The following CIT variants were observed in gnomAD, a reference collection of about 807,000 sequenced individuals.
The protein encoded by CIT is citron Rho-interacting kinase.
A neutral mutation model predicts 272.7 loss-of-function variants in CIT; 79 were observed. The observed-to-expected ratio is 0.29, with a 90% CI of 0.24 to 0.35. CIT has a LOEUF of 0.35. CIT is among the 10% of genes least tolerant of loss of function. The pLI is 1.00. For missense variants in CIT, 1,909 were observed against 2,618.3 expected (o/e 0.73, Z 5.91); for synonymous variants, 948 against 995.6 (o/e 0.95, Z 0.90).
At position 119,717,838 on chromosome 12, in the gene CIT, C is replaced by CTT. The variant is rs10699099; in HGVS notation, c.4168+405_4168+406dup. ...GGGGAGCCAGGAGACTGACTTCTTT[C>CTT]TTTTTTTTTTTTTTTTTTTTGAGAT... On this transcript the variant is annotated intron_variant, in intron 32 of 47. Transcript: ENST00000392521. 1.3e-3 allele frequency among the ~76,000 whole-genome samples: 109 copies of CTT among 81,342 alleles called. 16 individuals are homozygous for CTT. The highest frequency in any genetic ancestry group is 3.6e-3 in the South Asian group (7 of 1,968). The allele number at this position is 81,342 out of a possible 152,430, so 53.4% of individuals were successfully genotyped here. A position where few individuals can be genotyped will look rare whatever the true frequency, so the allele number is the denominator to read the frequency against.
chr12:119,789,549 T>G (rs1965120279), intron 10 of CIT, among the ~76,000 whole-genome samples: 1 of 152,222 alleles, frequency 6.6e-6, no homozygotes, highest in African/African-American at 2.4e-5. Flanking sequence ...AATGTTTATA[T>G]TCTATTCATT....
chr12:119,816,348 T>G (rs1477567513), intron 9 of CIT, among the ~76,000 whole-genome samples: 6 of 152,138 alleles, frequency 3.9e-5, no homozygotes, highest in African/African-American at 1.4e-4. Context: ...AAGCTTTAAA[T>G]TCCTCAAAGC....
intron 9 of CIT, among the ~76,000 whole-genome samples, chr12:119,813,903 G>A (rs1334830202): frequency 6.6e-6 from 1 of 152,128 alleles, no homozygotes; most frequent in East Asian, 1.9e-4. Context: ...GGTCTCCTCT[G>A]AGCAGAGCAT....
chr12:119,733,519 G>C (rs527511361), intron 26 of CIT, among the ~76,000 whole-genome samples: 72 of 139,498 alleles, frequency 5.2e-4, no homozygotes, highest in Middle Eastern at 7.2e-3. Context: ...GGGTGACAGA[G>C]ACTCTGTCAC....
At chr12:119,829,348 A>AGAGAAGAGAAGAGAAGAGAG (rs1474697741) in intron 7 of CIT, among the ~76,000 whole-genome samples, 10 of 44,584 alleles carry the variant, frequency 2.2e-4, no homozygotes, top group Non-Finnish European at 6.0e-4. Context: ...AAAGAAAAGA[A>AGAGAAGAGAAGAGAAGAGAG]GAGAAGAGAA....
Position 119,865,173 on chromosome 12 carries a change from G to GGTCTA in CIT, c.238+3882_238+3886dup, listed in dbSNP as rs1290374285. Among the ~76,000 whole-genome samples, 3 of 151,978 alleles carry GGTCTA rather than the reference G, an allele frequency of 2.0e-5. No individual in the cohort carries two copies. In the East Asian group the frequency reaches 5.8e-4, roughly 29 times the overall value. Reference sequence around the variant, plus strand: ...ATATGAAACATTTCCCTGGAAGAGGGGTCTATTAGAAAAAAATCTACATTC... The same window carrying GGTCTA: ...ATATGAAACATTTCCCTGGAAGAGGGGTCTAGTCTATTAGAAAAAAATCTACATTC... On this transcript the variant is annotated intron_variant, in intron 3 of 47. Transcript: ENST00000392521.
intron 5 of CIT, among the ~76,000 whole-genome samples, chr12:119,836,665 A>G (rs1250436148): frequency 1.3e-5 from 2 of 152,240 alleles, no homozygotes; most frequent in African/African-American, 4.8e-5. Flanking sequence ...ACGACACGCC[A>G]CAGTTATAAA....
chr12:119,713,611 G>A lies in CIT; in HGVS notation c.4344C>T (p.Cys1448=), dbSNP rs2137074724. 6.2e-7 allele frequency: 1 copy of A among 1,614,254 alleles called. No homozygotes were observed. The highest frequency in any genetic ancestry group is 8.5e-7 in the Non-Finnish European group (1 of 1,180,048). ...QVMCHPKCST[C]LPATCGLPAE... is the part of the protein sequence containing the mutation. ...CAGGCAAGCCGCAGGTGGCTGGCAA[G>A]CACGTGGAGCACTTGGGGTGACACA... The change falls in exon 34 of 48, where the codon TGC becomes TGT. Residue 1448 remains cysteine (C), a synonymous_variant. Coordinates refer to ENST00000392521, the MANE Select transcript of CIT (RefSeq NM_001206999.2). This position sits in a 1 kb window ranked among gnomAD's most constrained non-coding sequence, Gnocchi z 5.2.
intron 12 of CIT, 102 bp from the exon 13 acceptor site, chr12:119,782,739 GT>G: frequency 7.1e-7 from 1 of 1,402,686 alleles, no homozygotes; most frequent in Non-Finnish European, 9.6e-7. Flanking sequence ...CACCAGGACA[GT>G]TTCGAGTGAC....
At chr12:119,871,818 C>T (rs894833195) in intron 2 of CIT, among the ~76,000 whole-genome samples, 1 of 152,204 alleles carries the variant, frequency 6.6e-6, no homozygotes, top group African/African-American at 2.4e-5. Flanking sequence ...GATTGTGCTG[C>T]CACACTCCAG....
At chr12:119,792,694 C>T (rs1965406668) in intron 10 of CIT, among the ~76,000 whole-genome samples, 1 of 152,126 alleles carries the variant, frequency 6.6e-6, no homozygotes, top group Non-Finnish European at 1.5e-5. Context: ...AGGATGGTCT[C>T]GGTCTCCCAA....
At chr12:119,723,975 G>A (rs1957951265) in intron 28 of CIT, among the ~76,000 whole-genome samples, 1 of 152,104 alleles carries the variant, frequency 6.6e-6, no homozygotes, top group Admixed American at 6.6e-5. Context: ...AAGCTTGAGG[G>A]GATCTAAAAT....
chr12:119,833,435 G>A (rs1335169083), intron 6 of CIT, among the ~76,000 whole-genome samples: 2 of 152,078 alleles, frequency 1.3e-5, no homozygotes, highest in Admixed American at 6.6e-5. Context: ...GGGAGGACAA[G>A]GTGGGTGGAT....
chr12:119,836,284 T>TAAAAAAAAAAAAAAAAAAAAAA (rs201559880), intron 5 of CIT, among the ~76,000 whole-genome samples: 1 of 42,260 alleles, frequency 2.4e-5, no homozygotes, highest in African/African-American at 1.0e-4. Context: ...AGACTCCATC[T>TAAAAAAAAAAAAAAAAAAAAAA]AAAAAAAAAA....
At chr12:119,865,166 G>A (rs1460781266) in intron 3 of CIT, among the ~76,000 whole-genome samples, 2 of 152,122 alleles carry the variant, frequency 1.3e-5, no homozygotes, top group Non-Finnish European at 2.9e-5. Flanking sequence ...CATTTCCCTG[G>A]AAGAGGGGTC....
chr12:119,720,611 C>G (rs776637700), intron 29 of CIT, 26 bp from the exon 30 acceptor site: 1 of 1,500,596 alleles, frequency 6.7e-7, no homozygotes, highest in South Asian at 1.2e-5. Context: ...ACAAACTAAC[C>G]TCAAATCCAG....
intron 47 of CIT, 108 bp from the exon 48 acceptor site, chr12:119,688,363 C>CAGCT: frequency 8.9e-7 from 1 of 1,123,742 alleles, no homozygotes; most frequent in South Asian, 1.3e-5. Context: ...TCCCCTTCAG[C>CAGCT]AGCTAGCAGT....
intron 7 of CIT, among the ~76,000 whole-genome samples, chr12:119,831,562 T>C (rs552740721): frequency 6.6e-6 from 1 of 152,162 alleles, no homozygotes; most frequent in Admixed American, 6.5e-5. Context: ...TATCCACTTT[T>C]CTGGAAGCAG....
intron 24 of CIT, among the ~76,000 whole-genome samples, chr12:119,736,574 T>C (rs958977073): frequency 1.4e-4 from 22 of 152,222 alleles, no homozygotes; most frequent in African/African-American, 4.6e-4. Context: ...CTATGTACGA[T>C]TTTGAAGTAC....
Sources: allele counts gnomAD v4.1 joint callset (sites outside exome capture counted in the v4.1 genomes callset), GRCh38; gene constraint gnomAD v4.1.1; non-coding constraint Gnocchi (gnomAD v3.1); transcripts MANE v1.5; gene names NCBI Gene and HGNC (gene_info 2026-07-23, HGNC 2026-07-21).